The following MCPH1 variants were observed in gnomAD, a reference collection of about 807,000 sequenced individuals.
MCPH1 encodes microcephalin 1.
In MCPH1, 104 loss-of-function variants were observed where a neutral mutation model predicts 84.5. The ratio of observed to expected loss-of-function variants is 1.23; its 90% CI spans 1.05 to 1.45. The LOEUF is 1.45. MCPH1 is among the 40% of genes most tolerant of loss of function. The probability of loss-of-function intolerance (pLI) is 0.00; values close to 1 mark genes in which losing one functional copy is unlikely to be tolerated. For missense variants in MCPH1, 1,498 were observed against 1,005.7 expected, an observed-to-expected ratio of 1.49 and a Z score of -6.62; for synonymous variants, 514 against 366.8, an observed-to-expected ratio of 1.40 and a Z score of -4.58.
At chr8:6,537,424 G>C (rs1335331514) in intron 12 of MCPH1, among the ~76,000 whole-genome samples, 2 of 152,030 alleles carry the variant, frequency 1.3e-5, no homozygotes, top group African/African-American at 4.8e-5. Flanking sequence ...GATCCTTCTA[G>C]CTGCATGGTT....
intron 12 of MCPH1, among the ~76,000 whole-genome samples, chr8:6,603,997 TTTGAC>T (rs1829562831): frequency 1.3e-5 from 1 of 77,252 alleles, no homozygotes; most frequent in Non-Finnish European, 2.6e-5. Flanking sequence ...TTTTATTCAC[TTTGAC>T]TTTTTTTTTT....
chr8:6,465,405 C>G (rs1806761754), intron 9 of MCPH1, among the ~76,000 whole-genome samples: 1 of 152,202 alleles, frequency 6.6e-6, no homozygotes, highest in Admixed American at 6.5e-5. Flanking sequence ...CACCCCATGT[C>G]CACCCCGTCC....
chr8:6,561,116 A>G (rs1267216422), intron 12 of MCPH1, among the ~76,000 whole-genome samples: 2 of 152,242 alleles, frequency 1.3e-5, no homozygotes, highest in African/African-American at 4.8e-5. Flanking sequence ...ACATATTTCA[A>G]CCTGTGTTGC....
In MCPH1 at chr8:6,444,787, G is replaced by C. The variant is rs200976069; in HGVS notation, c.1065G>C (p.Lys355Asn). Residue 355 changes from lysine (K) to asparagine (N), a missense_variant, in exon 8 of 14, where the codon AAG becomes AAC. Transcript: ENST00000344683. Reference sequence around the variant, plus strand: ...CAAGACCCAGGAGTTCCTCAGTAAAGAGAAAAAGAGTATCACATGGCTCCC... The same window carrying C: ...CAAGACCCAGGAGTTCCTCAGTAAACAGAAAAAGAGTATCACATGGCTCCC... ...IHSRPRSSSVKRKRVSHGSHS... is the reference protein window; with the variant it reads ...IHSRPRSSSVNRKRVSHGSHS... 4 of 1,613,858 alleles carry C rather than the reference G, an allele frequency of 2.5e-6. No homozygotes were observed. Among genetic ancestry groups the C allele is most frequent in the Non-Finnish European group, 3.4e-6 (4 of 1,179,972 alleles).
chr8:6,616,860 A>G (rs548022765), intron 12 of MCPH1: 20 of 152,282 alleles, frequency 1.3e-4, no homozygotes, highest in African/African-American at 4.8e-4. Flanking sequence ...CTCTTCTTTC[A>G]TGATTTCTTT....
Position 6,648,454 on chromosome 8 carries a change from A to T in MCPH1, c.*5405A>T. Reference sequence around the variant, plus strand: ...AGCACTGTGAAACCAACATTTCTTCAGTGAAACCTAGAACAAAAGTGGAAT... The same window carrying T: ...AGCACTGTGAAACCAACATTTCTTCTGTGAAACCTAGAACAAAAGTGGAAT... On this transcript the variant is annotated 3_prime_UTR_variant, in exon 14 of 14. Transcript: ENST00000344683. 6.6e-6 allele frequency: 1 copy of T among 152,232 alleles called. No individual in the cohort carries two copies. The highest frequency in any genetic ancestry group is 1.9e-4 in the East Asian group (1 of 5,188). The allele number at this position is 152,232 out of a possible 1,614,324, so 9.4% of individuals were successfully genotyped here.
At chr8:6,481,845 A>G (rs1229454440) in intron 11 of MCPH1, among the ~76,000 whole-genome samples, 1 of 152,214 alleles carries the variant, frequency 6.6e-6, no homozygotes, top group South Asian at 2.1e-4. Flanking sequence ...GAAAGACAGT[A>G]GTGCCCCTCT....
At chr8:6,457,403 G>A (rs1805811860) in intron 9 of MCPH1, among the ~76,000 whole-genome samples, 2 of 151,918 alleles carry the variant, frequency 1.3e-5, no homozygotes, top group Non-Finnish European at 2.9e-5. Flanking sequence ...TGGCCAACAT[G>A]GCAAAACCCT....
intron 12 of MCPH1, among the ~76,000 whole-genome samples, chr8:6,529,892 T>TTA (rs1819133126): frequency 6.6e-6 from 1 of 151,612 alleles, no homozygotes; most frequent in Non-Finnish European, 1.5e-5. Flanking sequence ...GTTTTTTTTT[T>TTA]AAATCATATG....
At chr8:6,469,594 T>G (rs1807450146) in intron 9 of MCPH1, among the ~76,000 whole-genome samples, 1 of 152,246 alleles carries the variant, frequency 6.6e-6, no homozygotes. Context: ...TAATAATCTT[T>G]GTGAATATGT....
intron 2 of MCPH1, among the ~76,000 whole-genome samples, chr8:6,414,082 C>G (rs986028412): frequency 1.3e-5 from 2 of 151,642 alleles, no homozygotes; most frequent in Non-Finnish European, 2.9e-5. Flanking sequence ...TGAATTTTTC[C>G]AACTTTTTGA....
rs1044683558 is a variant in MCPH1, at chr8:6,616,673, T to G, written c.2215-4781T>G. On this transcript the variant is annotated intron_variant, in intron 12 of 13. Coordinates refer to ENST00000344683, the MANE Select transcript of MCPH1 (RefSeq NM_024596.5). ...TTCTGCCACTGCCTCCTCAACTACATGTATACATCAGTGTATATGCATGGG... is the reference window on the plus strand; with the variant it reads ...TTCTGCCACTGCCTCCTCAACTACAGGTATACATCAGTGTATATGCATGGG... 52 of 152,214 alleles carry G rather than the reference T, an allele frequency of 3.4e-4. 1 individual carries two copies. Among genetic ancestry groups the G allele is most frequent in the African/African-American group, 1.2e-3 (51 of 41,456 alleles). 9.4% of individuals were successfully genotyped at this position (152,214 alleles called of 1,614,324 possible).
intron 12 of MCPH1, among the ~76,000 whole-genome samples, chr8:6,536,382 G>A (rs1028776205): frequency 6.9e-6 from 1 of 144,122 alleles, no homozygotes; most frequent in African/African-American, 2.6e-5. Flanking sequence ...CCCAGAGGCC[G>A]CTTCATACTT....
At chr8:6,484,771 C>G (rs755321801) in intron 11 of MCPH1, among the ~76,000 whole-genome samples, 2 of 152,328 alleles carry the variant, frequency 1.3e-5, no homozygotes, top group African/African-American at 2.4e-5. Context: ...CTCAGAAGGT[C>G]ACATGCTGTA....
intron 12 of MCPH1, among the ~76,000 whole-genome samples, chr8:6,507,367 C>G (rs551011811): frequency 4.8e-4 from 73 of 152,248 alleles, no homozygotes; most frequent in Non-Finnish European, 8.5e-4. Context: ...AGAAATTAAA[C>G]CCTGCCAATT....
At chr8:6,571,911 G>A (rs114811979) in intron 12 of MCPH1, among the ~76,000 whole-genome samples, 194 of 152,254 alleles carry the variant, frequency 1.3e-3, no homozygotes, top group African/African-American at 4.5e-3. Flanking sequence ...TGTCACTCTT[G>A]TCCCCTCATG....
intron 12 of MCPH1, 45 bp from the exon 13 acceptor site, chr8:6,621,409 T>G (rs1831397395): frequency 6.2e-7 from 1 of 1,610,288 alleles, no homozygotes; most frequent in African/African-American, 1.3e-5. Flanking sequence ...CTATGGAGAC[T>G]GGAGTGGTCC....
chr8:6,460,623 G>T, intron 9 of MCPH1, among the ~76,000 whole-genome samples: 2 of 151,242 alleles, frequency 1.3e-5, no homozygotes, highest in South Asian at 2.1e-4. Context: ...CCCTTTTCTG[G>T]CTCCCCTCAA....
intron 8 of MCPH1, among the ~76,000 whole-genome samples, chr8:6,453,948 A>C (rs959928423): frequency 6.6e-6 from 1 of 152,318 alleles, no homozygotes; most frequent in African/African-American, 2.4e-5. Context: ...TCCAGGGCCC[A>C]GGCTGCAAAT....
Sources: gnomAD v4.1 joint callset for allele counts (sites outside exome capture counted in the v4.1 genomes callset) on GRCh38, gnomAD v4.1.1 for gene constraint, MANE v1.5 for transcripts, NCBI Gene and HGNC (gene_info 2026-07-23, HGNC 2026-07-21) for gene names.